The following IQCM variants were observed in gnomAD, a reference collection of about 807,000 sequenced individuals.
The protein encoded by IQCM is IQ motif containing M.
In IQCM, 45 loss-of-function variants were observed where a neutral mutation model predicts 57.6. That is an observed-to-expected ratio of 0.78 (90% CI 0.62 to 1.00). The LOEUF (loss-of-function observed/expected upper bound fraction) is 1.00, where lower values mean the gene tolerates loss of function less well. Ranked by LOEUF, IQCM falls within the 50% of genes least tolerant of loss-of-function variation. The pLI, the probability that IQCM is intolerant of heterozygous loss-of-function variation, is 0.00. For synonymous variants in IQCM, 148 were observed against 158.9 expected, an observed-to-expected ratio of 0.93 and a Z score of 0.51; for missense variants, 468 against 511.6, an observed-to-expected ratio of 0.91 and a Z score of 0.82.
intron 3 of IQCM, among the ~76,000 whole-genome samples, chr4:149,740,736 T>C (rs541151624): frequency 2.0e-5 from 3 of 152,240 alleles, no homozygotes; most frequent in African/African-American, 7.2e-5. Context: ...CTAAGTTTTA[T>C]TTTGCAGAAT....
At chr4:149,735,510 T>G in intron 3 of IQCM, 52 bp from the exon 4 acceptor site, 4 of 790,654 alleles carry the variant, frequency 5.1e-6, no homozygotes, top group Non-Finnish European at 6.9e-6. Flanking sequence ...GAAAGTAAAT[T>G]TTACAAGTTG....
At chr4:149,397,912 A>G (rs926343608) in intron 13 of IQCM, among the ~76,000 whole-genome samples, 17 of 151,936 alleles carry the variant, frequency 1.1e-4, no homozygotes, top group Non-Finnish European at 2.4e-4. Flanking sequence ...TTCATTGTGC[A>G]GAGCTTTTTA....
At chr4:149,383,593 G>T (rs1480640116) in intron 13 of IQCM, among the ~76,000 whole-genome samples, 1 of 152,046 alleles carries the variant, frequency 6.6e-6, no homozygotes, top group Non-Finnish European at 1.5e-5. Flanking sequence ...GATCTTTTTG[G>T]TAAACTGCCT....
At chr4:149,487,247 G>C (rs1369336331) in intron 12 of IQCM, among the ~76,000 whole-genome samples, 2 of 152,146 alleles carry the variant, frequency 1.3e-5, no homozygotes, top group African/African-American at 4.8e-5. Flanking sequence ...ACCTGGAACA[G>C]GGACCTCACA....
At chr4:149,551,729 A>C (rs2149903862) in intron 11 of IQCM, among the ~76,000 whole-genome samples, 1 of 152,098 alleles carries the variant, frequency 6.6e-6, no homozygotes, top group South Asian at 2.1e-4. Flanking sequence ...TAAAAAAAAT[A>C]CTAAGATCTT....
chr4:149,736,337 T>A lies in IQCM; in HGVS notation c.38-879A>T, dbSNP rs552625820. Among the ~76,000 whole-genome samples, 4 of 152,318 alleles carry A rather than the reference T, an allele frequency of 2.6e-5. No homozygotes were observed. The East Asian group carries it at 7.7e-4, about 29-fold the overall frequency. On this transcript the variant is annotated intron_variant, in intron 3 of 13. Transcript: ENST00000636793. ...TTCTCATTCAGCCTTGTCTAAGTTT[T>A]CCTCTTTACATATTTTCTTTATTAT...
intron 2 of IQCM, among the ~76,000 whole-genome samples, chr4:149,772,345 A>T (rs539358464): frequency 3.2e-4 from 48 of 152,320 alleles, no homozygotes; most frequent in South Asian, 1.2e-3. Flanking sequence ...AGAAAAATAA[A>T]GTACAAAATG....
chr4:149,436,276 C>A (rs1426641997), intron 12 of IQCM, among the ~76,000 whole-genome samples: 1 of 152,048 alleles, frequency 6.6e-6, no homozygotes, highest in African/African-American at 2.4e-5. Context: ...TCATATGCTT[C>A]AATATCAGGT....
chr4:149,620,691 C>T (rs996868855), intron 8 of IQCM, among the ~76,000 whole-genome samples: 2 of 152,216 alleles, frequency 1.3e-5, no homozygotes, highest in Non-Finnish European at 2.9e-5. Flanking sequence ...TTAGAGTCTT[C>T]ATTCAGAAAA....
chr4:149,390,659 T>C (rs1005397541), intron 13 of IQCM, among the ~76,000 whole-genome samples: 5 of 151,988 alleles, frequency 3.3e-5, no homozygotes, highest in Non-Finnish European at 7.4e-5. Context: ...TGTCACATAA[T>C]TTTTCTGCAT....
chr4:149,547,716 G>C (rs1748598274), intron 12 of IQCM, among the ~76,000 whole-genome samples: 1 of 152,050 alleles, frequency 6.6e-6, no homozygotes, highest in South Asian at 2.1e-4. Context: ...TGATTAATTT[G>C]ATTGTAGTAG....
chr4:149,527,188 A>C (rs1174684445), intron 12 of IQCM, among the ~76,000 whole-genome samples: 1 of 152,212 alleles, frequency 6.6e-6, no homozygotes, highest in Non-Finnish European at 1.5e-5. Context: ...AAGCAGATTT[A>C]ATAGTTGAAT....
chr4:149,588,027 A>T (rs1752796910), intron 8 of IQCM, 30 bp from the exon 9 acceptor site: 2 of 1,046,716 alleles, frequency 1.9e-6, no homozygotes, highest in Non-Finnish European at 2.4e-6. Context: ...AGTTGACATA[A>T]GTAGAAAAAC....
At chr4:149,413,319 T>C (rs189570390) in intron 13 of IQCM, among the ~76,000 whole-genome samples, 2 of 152,140 alleles carry the variant, frequency 1.3e-5, no homozygotes, top group African/African-American at 4.8e-5. Flanking sequence ...GGAGAATAGA[T>C]TGAAAAAGGA....
chr4:149,704,111 T>A (rs1418845395), intron 5 of IQCM, among the ~76,000 whole-genome samples: 3 of 151,966 alleles, frequency 2.0e-5, no homozygotes, highest in African/African-American at 7.2e-5. Context: ...AAGTAATTTA[T>A]CTTATTGCTT....
At position 149,686,471 on chromosome 4, in the gene IQCM, G is replaced by A; in HGVS notation, c.386-3C>T. 8 of 1,206,590 alleles carry A rather than the reference G, an allele frequency of 6.6e-6. No individual in the cohort carries two copies. The highest frequency in any genetic ancestry group is 8.3e-6 in the Non-Finnish European group (8 of 965,244). The allele number at this position is 1,206,590 out of a possible 1,614,324, so 74.7% of individuals were successfully genotyped here. ...GATTTTATCCAATTTAACTTGTCCT[G>A]AAATTTTGTTAAAGTTTTAATTGCA... On this transcript the variant is annotated splice_region_variant and splice_polypyrimidine_tract_variant and intron_variant, in intron 5 of 13. Coordinates refer to ENST00000636793, the MANE Select transcript of IQCM (RefSeq NM_001363507.2).
chr4:149,516,158 C>T (rs1247315137), intron 12 of IQCM, among the ~76,000 whole-genome samples: 1 of 152,194 alleles, frequency 6.6e-6, no homozygotes, highest in Non-Finnish European at 1.5e-5. Context: ...ACACTGAGTC[C>T]TCGATATGGC....
At chr4:149,779,925 C>T (rs972372449) in intron 2 of IQCM, among the ~76,000 whole-genome samples, 1 of 152,076 alleles carries the variant, frequency 6.6e-6, no homozygotes, top group Non-Finnish European at 1.5e-5. Context: ...CATTACTTCA[C>T]AAAATTGGTG....
chr4:149,725,550 G>T (rs1035261959), intron 5 of IQCM, among the ~76,000 whole-genome samples: 1 of 152,096 alleles, frequency 6.6e-6, no homozygotes, highest in Admixed American at 6.6e-5. Flanking sequence ...TCTGACCTCA[G>T]CAGAGTCTAT....
Sources: allele counts gnomAD v4.1 joint callset (sites outside exome capture counted in the v4.1 genomes callset), GRCh38; gene constraint gnomAD v4.1.1; transcripts MANE v1.5; gene names NCBI Gene and HGNC (gene_info 2026-07-23, HGNC 2026-07-21).